ZFX: variants seen among roughly 807,000 people sequenced by gnomAD.
ZFX encodes the protein zinc finger X-chromosomal protein.
For missense variants in ZFX, 362 were observed against 628.3 expected (o/e 0.58, Z 4.53); for synonymous variants, 196 against 226.8 (o/e 0.86, Z 1.22).
At chrX:24,154,104 A>G (rs1932539398) in intron 3 of ZFX, among the ~76,000 whole-genome samples, 1 of 112,140 alleles carries the variant, frequency 8.9e-6, no homozygotes. Context: ...AGTATACTCT[A>G]AGGAAATTGT....
chrX:24,161,941 C>T (rs1476964987), intron 3 of ZFX: 1 of 108,431 alleles, frequency 9.2e-6, no homozygotes, highest in Admixed American at 1.0e-4. Context: ...CTCAAGTGAT[C>T]TACCTGCCTC....
intron 5 of ZFX, among the ~76,000 whole-genome samples, chrX:24,205,856 A>AAAAAT (rs1406279138): frequency 9.0e-6 from 1 of 111,565 alleles, no homozygotes; most frequent in Non-Finnish European, 1.9e-5. Flanking sequence ...ATAAATAAAT[A>AAAAAT]AAAATAAAAT....
chrX:24,191,600 A>G (rs1936530741), intron 5 of ZFX, among the ~76,000 whole-genome samples: 1 of 111,857 alleles, frequency 8.9e-6, no homozygotes, highest in African/African-American at 3.3e-5. Context: ...CATTGATTTC[A>G]TAATAAAATA....
intron 3 of ZFX, among the ~76,000 whole-genome samples, chrX:24,165,397 G>A (rs1933906523): frequency 8.9e-6 from 1 of 112,753 alleles, no homozygotes. Flanking sequence ...GGGATTATAG[G>A]CGTGAGCCAC....
Position 24,196,997 on chromosome X carries a change from CTAAA to C in ZFX, c.647-10324_647-10321del, listed in dbSNP as rs772690388. On this transcript the variant is annotated intron_variant, in intron 5 of 9. Transcript: ENST00000304543. ...TAGTAGCCACTAGCCACATATTTGG[CTAAA>C]TAAAGTTGTTAAAATGAATTAAACA... Among the ~76,000 whole-genome samples, 769 of 112,261 alleles carry C rather than the reference CTAAA, an allele frequency of 6.9e-3. 5 individuals carry two copies. The highest frequency in any genetic ancestry group is 0.024 in the African/African-American group (754 of 30,945).
intron 1 of ZFX, among the ~76,000 whole-genome samples, chrX:24,151,160 C>G (rs1267326983): frequency 8.9e-6 from 1 of 112,156 alleles, no homozygotes; most frequent in Admixed American, 9.4e-5. Context: ...TCTTGATAAA[C>G]TCGGAGCCTA....
rs1260408474 is a variant in ZFX at position 24,211,701 on chromosome X, C to T, written c.*325C>T. The T allele has an allele frequency of 1.1e-5, 2 of 175,782 alleles. No homozygotes were observed. The highest frequency in any genetic ancestry group is 2.1e-5 in the Non-Finnish European group (2 of 94,612). 14.5% of individuals were successfully genotyped at this position (175,782 alleles called of 1,213,427 possible). On this transcript the variant is annotated 3_prime_UTR_variant, in exon 10 of 10. Transcript: ENST00000304543. ...TTACCTTGCTTACCTTGATGGTACTCTTCTAAGACCATTAACTTAAGGTAA... is the reference window on the plus strand; with the variant it reads ...TTACCTTGCTTACCTTGATGGTACTTTTCTAAGACCATTAACTTAAGGTAA...
At chrX:24,165,132 T>TC (rs1933876789) in intron 3 of ZFX, among the ~76,000 whole-genome samples, 1 of 40,968 alleles carries the variant, frequency 2.4e-5, no homozygotes, top group Admixed American at 3.0e-4. Context: ...CTTTTCTTTC[T>TC]TTTTTTTGAG....
intron 5 of ZFX, among the ~76,000 whole-genome samples, chrX:24,197,317 T>G (rs548085536): frequency 2.2e-4 from 25 of 111,450 alleles, no homozygotes; most frequent in African/African-American, 7.8e-4. Context: ...ACAAAAACAT[T>G]TATTTATCAT....
At chrX:24,188,748 G>A (rs909130223) in intron 5 of ZFX, among the ~76,000 whole-genome samples, 5 of 112,139 alleles carry the variant, frequency 4.5e-5, no homozygotes, top group African/African-American at 1.6e-4. Context: ...GCAGGCGCAA[G>A]GTAAGAGCGA....
intron 5 of ZFX, among the ~76,000 whole-genome samples, chrX:24,188,813 A>G (rs1936334550): frequency 8.9e-6 from 1 of 111,794 alleles, no homozygotes; most frequent in South Asian, 3.7e-4. Flanking sequence ...TAGGTAAGAA[A>G]CAGATGATAA....
chrX:24,162,979 C>T (rs949025881), intron 3 of ZFX, among the ~76,000 whole-genome samples: 2 of 111,413 alleles, frequency 1.8e-5, no homozygotes, highest in African/African-American at 3.3e-5. Context: ...TTTCACTTAG[C>T]ATATTGTTTT....
At chrX:24,172,633 C>G (rs1934735838) in intron 3 of ZFX, 82 bp from the exon 4 acceptor site, 2 of 696,030 alleles carry the variant, frequency 2.9e-6, no homozygotes, top group Non-Finnish European at 4.1e-6. Flanking sequence ...TTGAGTGTCT[C>G]AGAAATGAAA....
rs1197980929 is a variant in ZFX at position 24,212,715 on chromosome X, A to G, written c.*1339A>G. ...GAACGGGTGCTAATTATGACTTCAC[A>G]CTCGGCAAGTTCAGGCTGATCTGTT... is the stretch of plus-strand genomic sequence containing the variant. On this transcript the variant is annotated 3_prime_UTR_variant, in exon 10 of 10. Coordinates refer to ENST00000304543, the MANE Select transcript of ZFX (RefSeq NM_003410.4). The G allele has an allele frequency of 1.8e-5, 2 of 111,848 alleles. No homozygotes were observed. The highest frequency in any genetic ancestry group is 6.5e-5 in the African/African-American group (2 of 30,694). 9.2% of individuals were successfully genotyped at this position (111,848 alleles called of 1,213,427 possible). A position where few individuals can be genotyped will look rare whatever the true frequency, so the allele number is the denominator to read the frequency against.
intron 3 of ZFX, among the ~76,000 whole-genome samples, chrX:24,154,168 T>A (rs759833146): frequency 3.6e-5 from 4 of 112,269 alleles, no homozygotes; most frequent in Non-Finnish European, 7.5e-5. Context: ...TTAAAAAGTT[T>A]TATGGAATAT....
intron 5 of ZFX, among the ~76,000 whole-genome samples, chrX:24,193,529 T>G (rs1226814709): frequency 1.8e-5 from 2 of 111,820 alleles, no homozygotes; most frequent in Non-Finnish European, 3.8e-5. Context: ...GTACTAAAAA[T>G]CACTTAATTG....
At chrX:24,196,145 G>A in intron 5 of ZFX, among the ~76,000 whole-genome samples, 1 of 111,054 alleles carries the variant, frequency 9.0e-6, no homozygotes, top group Middle Eastern at 4.7e-3. Context: ...ATGGAGTTTT[G>A]CTCGTTACCC....
At position 24,211,363 on chromosome X, in the gene ZFX, T is replaced by C; in HGVS notation, c.2405T>C (p.Val802Ala). ...CACATAATGCGACATCATAAAGAAG[T>C]TGGCCTGCCCTAACAATACTTCTAC... is the stretch of plus-strand genomic sequence containing the variant. ...NQHIMRHHKE[V>A]GLP The change falls in exon 10 of 10, where the codon GTT (valine) becomes GCT (alanine). Residue 802 changes from valine (V) to alanine (A), a missense_variant. Coordinates refer to ENST00000304543, the MANE Select transcript of ZFX (RefSeq NM_003410.4). 8.2e-7 allele frequency: 1 copy of C among 1,212,270 alleles called. No homozygotes were observed. The highest frequency in any genetic ancestry group is 1.1e-6 in the Non-Finnish European group (1 of 895,640).
At chrX:24,189,332 T>C (rs1255729266) in intron 5 of ZFX, among the ~76,000 whole-genome samples, 1 of 111,840 alleles carries the variant, frequency 8.9e-6, no homozygotes, top group Non-Finnish European at 1.9e-5. Context: ...AAGATTTATT[T>C]ACAGGGTTGC....
Sources: allele counts gnomAD v4.1 joint callset (sites outside exome capture counted in the v4.1 genomes callset), GRCh38; gene constraint gnomAD v4.1.1; transcripts MANE v1.5; gene names NCBI Gene and HGNC (gene_info 2026-07-23, HGNC 2026-07-21).